RBFOX1: variants seen among roughly 807,000 people sequenced by gnomAD.
RBFOX1 encodes the protein RNA binding protein fox-1 homolog 1.
RBFOX1 carries 8 observed loss-of-function variants against 57.7 expected under a neutral mutation model. The ratio of observed to expected loss-of-function variants is 0.14; its 90% CI spans 0.08 to 0.25. The LOEUF is 0.25. RBFOX1 is among the 10% of genes least tolerant of loss of function. The pLI, the probability that RBFOX1 is intolerant of heterozygous loss-of-function variation, is 1.00. For missense variants in RBFOX1, 611 were observed against 548.5 expected (o/e 1.11, Z -1.14); for synonymous variants, 326 against 222.4 (o/e 1.47, Z -4.15).
intron 3 of RBFOX1, among the ~76,000 whole-genome samples, chr16:6,960,469 T>C (rs8051134): frequency 0.61 from 93,310 of 151,902 alleles, 28,786 homozygotes; most frequent in Non-Finnish European, 0.63. Flanking sequence ...AGTTCTCGTG[T>C]ATGTTGTTAT....
At chr16:5,413,720 G>A (rs189766718) in intron 1 of RBFOX1, among the ~76,000 whole-genome samples, 9 of 152,320 alleles carry the variant, frequency 5.9e-5, no homozygotes, top group South Asian at 2.1e-4. Flanking sequence ...TCTCTTTCTC[G>A]TGGTATAACC....
intron 3 of RBFOX1, among the ~76,000 whole-genome samples, chr16:5,771,828 C>T (rs778272002): frequency 1.4e-4 from 21 of 152,156 alleles, no homozygotes; most frequent in Non-Finnish European, 2.5e-4. Context: ...GAAGTGATGA[C>T]ATAGTTATTT....
At chr16:6,952,077 C>G (rs763735033) in intron 3 of RBFOX1, among the ~76,000 whole-genome samples, 1 of 152,120 alleles carries the variant, frequency 6.6e-6, no homozygotes, top group Admixed American at 6.6e-5. Context: ...GATACATGTA[C>G]CTTTATCTTT....
intron 3 of RBFOX1, among the ~76,000 whole-genome samples, chr16:5,700,189 G>A (rs1447723712): frequency 6.6e-6 from 1 of 152,136 alleles, no homozygotes; most frequent in Non-Finnish European, 1.5e-5. Context: ...ATAGTTATTT[G>A]AAGTCAGCAT....
At chr16:5,958,025 A>G (rs1188568548) in intron 4 of RBFOX1, among the ~76,000 whole-genome samples, 1 of 151,970 alleles carries the variant, frequency 6.6e-6, no homozygotes, top group Non-Finnish European at 1.5e-5. Context: ...CATATGTTCA[A>G]TTATGTTGAT....
At position 7,417,372 on chromosome 16, in the gene RBFOX1, C is replaced by CAAAAAAAAA. The variant is rs369698520; in HGVS notation, c.28-100772_28-100771insAAAAAAAAA. Among the ~76,000 whole-genome samples the CAAAAAAAAA allele has an allele frequency of 9.8e-5, 12 of 122,622 alleles. 1 individual carries two copies. Among genetic ancestry groups the CAAAAAAAAA allele is most frequent in the South Asian group, 2.9e-4 (1 of 3,418 alleles). The allele number at this position is 122,622 out of a possible 152,430, so 80.4% of individuals were successfully genotyped here. A position where few individuals can be genotyped will look rare whatever the true frequency, so the allele number is the denominator to read the frequency against. ...TGGGCAACAGAGCGAGACTCTGTGTCAAAGAAAAAAAAAAAAAAGAGATGA... is the reference window on the plus strand; with the variant it reads ...TGGGCAACAGAGCGAGACTCTGTGTCAAAAAAAAAAAAGAAAAAAAAAAAAAAGAGATGA... On this transcript the variant is annotated intron_variant, in intron 4 of 15. Coordinates refer to ENST00000550418, the MANE Select transcript of RBFOX1 (RefSeq NM_018723.4).
chr16:6,799,333 G>T (rs947584821), intron 3 of RBFOX1, among the ~76,000 whole-genome samples: 4 of 152,112 alleles, frequency 2.6e-5, no homozygotes, highest in Admixed American at 1.3e-4. Context: ...ATGCTATTAG[G>T]TTGGTGCAAA....
At chr16:6,638,042 T>C (rs1219793276) in intron 2 of RBFOX1, among the ~76,000 whole-genome samples, 1 of 152,082 alleles carries the variant, frequency 6.6e-6, no homozygotes, top group Non-Finnish European at 1.5e-5. Flanking sequence ...TAAGACACCT[T>C]TAGGGGTAGA....
chr16:6,035,050 C>T (rs908552849), intron 1 of RBFOX1, among the ~76,000 whole-genome samples: 4 of 150,798 alleles, frequency 2.7e-5, no homozygotes, highest in African/African-American at 9.8e-5. Context: ...ATCTGTTGTG[C>T]AGGCTGTCCT....
intron 3 of RBFOX1, among the ~76,000 whole-genome samples, chr16:6,944,713 C>A (rs932291022): frequency 5.9e-5 from 9 of 152,138 alleles, no homozygotes; most frequent in African/African-American, 1.9e-4. Flanking sequence ...GTTTCCTGGG[C>A]AACCTTTCTG....
intron 4 of RBFOX1, among the ~76,000 whole-genome samples, chr16:5,988,884 C>T (rs1008884534): frequency 6.6e-5 from 10 of 152,102 alleles, no homozygotes; most frequent in African/African-American, 1.9e-4. Flanking sequence ...AAAGTATATG[C>T]AGTGCAATAT....
intron 5 of RBFOX1, among the ~76,000 whole-genome samples, chr16:7,578,183 C>T (rs976757740): frequency 6.6e-6 from 1 of 152,184 alleles, no homozygotes; most frequent in East Asian, 1.9e-4. Flanking sequence ...ATACCAGGAA[C>T]TTGGCCAAGT....
intron 4 of RBFOX1, among the ~76,000 whole-genome samples, chr16:7,273,099 C>G (rs1343317999): frequency 7.6e-6 from 1 of 131,550 alleles, no homozygotes; most frequent in African/African-American, 3.0e-5. Context: ...CCCTCCCTCC[C>G]TTTCCTCCTT....
chr16:6,559,532 T>C (rs550129295), intron 2 of RBFOX1, among the ~76,000 whole-genome samples: 4 of 152,168 alleles, frequency 2.6e-5, no homozygotes, highest in African/African-American at 9.6e-5. Context: ...ATGGGAAGCT[T>C]TTTGAACTGT....
chr16:7,151,193 G>C (rs947845884), intron 4 of RBFOX1, among the ~76,000 whole-genome samples: 4 of 152,170 alleles, frequency 2.6e-5, no homozygotes, highest in East Asian at 3.8e-4. Flanking sequence ...GCAAAAATCA[G>C]ATCTCACTGG....
intron 14 of RBFOX1, among the ~76,000 whole-genome samples, chr16:7,683,852 C>G (rs572614745): frequency 3.1e-4 from 47 of 151,912 alleles, no homozygotes; most frequent in South Asian, 2.3e-3. Context: ...AAAAAAAAAC[C>G]TGCATTCTAG....
chr16:5,885,068 G>A (rs1196752234), intron 4 of RBFOX1, among the ~76,000 whole-genome samples: 2 of 152,044 alleles, frequency 1.3e-5, no homozygotes, highest in South Asian at 2.1e-4. Flanking sequence ...GATGGTCTTC[G>A]GGTCTCTTGT....
intron 1 of RBFOX1, among the ~76,000 whole-genome samples, chr16:5,428,450 C>G (rs751395596): frequency 2.0e-5 from 3 of 152,034 alleles, no homozygotes; most frequent in Non-Finnish European, 2.9e-5. Context: ...AAGCTAAACC[C>G]CTGGGGAATT....
intron 3 of RBFOX1, among the ~76,000 whole-genome samples, chr16:6,870,425 A>G (rs1603634694): frequency 6.6e-6 from 1 of 152,210 alleles, no homozygotes; most frequent in Admixed American, 6.5e-5. Flanking sequence ...CTCACTTCTG[A>G]TACCTATAAA....
Sources: gnomAD v4.1 joint callset for allele counts (sites outside exome capture counted in the v4.1 genomes callset) on GRCh38, gnomAD v4.1.1 for gene constraint, MANE v1.5 for transcripts, NCBI Gene and HGNC (gene_info 2026-07-23, HGNC 2026-07-21) for gene names.